CASTOR2: variants seen among roughly 807,000 people sequenced by gnomAD.
CASTOR2 encodes the protein GATS protein like 2.
Under a neutral mutation model 31.2 loss-of-function variants are expected in CASTOR2, and 8 were observed. The ratio of observed to expected loss-of-function variants is 0.26; its 90% CI spans 0.15 to 0.46. The LOEUF (loss-of-function observed/expected upper bound fraction) is 0.46. Ranked by LOEUF, CASTOR2 falls within the 20% of genes least tolerant of loss-of-function variation. The pLI is 0.99. For synonymous variants in CASTOR2, 162 were observed against 158.7 expected (o/e 1.02, Z -0.16); for missense variants, 216 against 382.1 (o/e 0.57, Z 3.62).
intron 1 of CASTOR2, among the ~76,000 whole-genome samples, chr7:74,989,807 A>G (rs75058116): frequency 0.092 from 14,064 of 152,096 alleles, 2,185 homozygotes; most frequent in African/African-American, 0.32. Context: ...AGCACAAAAC[A>G]GACACAGTGA....
At chr7:75,004,467 C>CT (rs1180445358) in intron 1 of CASTOR2, among the ~76,000 whole-genome samples, 19 of 144,476 alleles carry the variant, frequency 1.3e-4, no homozygotes, top group East Asian at 8.2e-4. Context: ...TTTTTTTTTT[C>CT]CCCCCGAGAT....
intron 1 of CASTOR2, among the ~76,000 whole-genome samples, chr7:74,992,154 T>G (rs1554437403): frequency 6.6e-6 from 1 of 151,970 alleles, no homozygotes; most frequent in Non-Finnish European, 1.5e-5. Flanking sequence ...CTCAGGGGGA[T>G]GGGTCACTGC....
At chr7:74,999,381 C>T (rs1804437650) in intron 1 of CASTOR2, among the ~76,000 whole-genome samples, 1 of 151,864 alleles carries the variant, frequency 6.6e-6, no homozygotes, top group Admixed American at 6.6e-5. Flanking sequence ...AATTAAGGGC[C>T]TTTTTCTAAG....
intron 1 of CASTOR2, among the ~76,000 whole-genome samples, chr7:74,986,129 C>T (rs1804058694): frequency 6.6e-6 from 1 of 152,022 alleles, no homozygotes; most frequent in Non-Finnish European, 1.5e-5. Context: ...GGGGTTTCGC[C>T]ACGTTGGCCA....
chr7:75,030,274 C>T lies in CASTOR2; in HGVS notation c.*5575C>T, dbSNP rs903700273. On this transcript the variant is annotated 3_prime_UTR_variant, in exon 9 of 9. Transcript: ENST00000616305. The stretch of plus-strand genomic sequence containing the variant: ...CTATGCATTAGAGTGTGTGCGTGCA[C>T]GTGTGCAGAGCCCACACCTGAGATA... Among the ~76,000 whole-genome samples the T allele has an allele frequency of 6.6e-5, 10 of 152,308 alleles. No homozygotes were observed. The highest frequency in any genetic ancestry group is 1.0e-4 in the Non-Finnish European group (7 of 68,028).
At chr7:74,981,797 T>C (rs1447796921) in intron 1 of CASTOR2, among the ~76,000 whole-genome samples, 2 of 146,728 alleles carry the variant, frequency 1.4e-5, no homozygotes, top group Non-Finnish European at 3.0e-5. Flanking sequence ...CCCGGTGCGG[T>C]GGCTCACGCC....
In CASTOR2 at chr7:75,024,350, G is replaced by C. The variant is rs1805074062; in HGVS notation, c.830-90G>C. 4.0e-6 allele frequency: 5 copies of C among 1,249,846 alleles called. No individual in the cohort carries two copies. The Admixed American group carries it at 5.9e-5, about 15-fold the overall frequency. 77.4% of individuals were successfully genotyped at this position (1,249,846 alleles called of 1,614,324 possible). A position where few individuals can be genotyped will look rare whatever the true frequency, so the allele number is the denominator to read the frequency against. ...TAGGAGGATGGTGGGTGCAGGGTAGGCATTGCCCACAGAGGGTAGAGGCTG... is the reference window on the plus strand; with the variant it reads ...TAGGAGGATGGTGGGTGCAGGGTAGCCATTGCCCACAGAGGGTAGAGGCTG... On this transcript the variant is annotated intron_variant, in intron 7 of 8. Transcript: ENST00000616305.
intron 1 of CASTOR2, among the ~76,000 whole-genome samples, chr7:75,006,794 A>G (rs1349587571): frequency 6.6e-6 from 1 of 152,032 alleles, no homozygotes; most frequent in African/African-American, 2.4e-5. Context: ...GTTGCCATGT[A>G]AGACATGCCT....
intron 2 of CASTOR2, among the ~76,000 whole-genome samples, chr7:75,012,199 C>T (rs1304402709): frequency 6.6e-6 from 1 of 152,096 alleles, no homozygotes; most frequent in Non-Finnish European, 1.5e-5. Context: ...TCTCAGGGGG[C>T]TGTGGCAGGA....
intron 1 of CASTOR2, among the ~76,000 whole-genome samples, chr7:74,994,084 G>A (rs1411488859): frequency 6.6e-6 from 1 of 152,198 alleles, no homozygotes; most frequent in African/African-American, 2.4e-5. Context: ...AGTTACCCGT[G>A]TCAGCCGGGC....
At chr7:74,979,341 C>T (rs1316929471) in intron 1 of CASTOR2, among the ~76,000 whole-genome samples, 1 of 148,108 alleles carries the variant, frequency 6.8e-6, no homozygotes, top group African/African-American at 2.5e-5. Flanking sequence ...TAACCTTCCT[C>T]CCCTTCCCAA....
At chr7:74,991,489 C>G (rs1208746764) in intron 1 of CASTOR2, among the ~76,000 whole-genome samples, 1 of 150,706 alleles carries the variant, frequency 6.6e-6, no homozygotes, top group African/African-American at 2.4e-5. Context: ...CAGAGTCAAT[C>G]AGCAAATACT....
intron 1 of CASTOR2, among the ~76,000 whole-genome samples, chr7:74,976,542 TCCTCCTCC>T (rs1803813735): frequency 7.2e-6 from 1 of 139,096 alleles, no homozygotes; most frequent in African/African-American, 2.7e-5. Flanking sequence ...CTCCTCCTCC[TCCTCCTCC>T]TCCTCCTCCT....
intron 1 of CASTOR2, among the ~76,000 whole-genome samples, chr7:74,988,390 C>T (rs1554436958): frequency 2.6e-5 from 4 of 152,058 alleles, no homozygotes; most frequent in Admixed American, 1.3e-4. Context: ...CTCCGCCTCC[C>T]GGGTTCACGC....
chr7:75,018,264 G>A, intron 4 of CASTOR2, 142 bp downstream of exon 4: 2 of 1,468,406 alleles, frequency 1.4e-6, no homozygotes, highest in Non-Finnish European at 9.2e-7. Flanking sequence ...AAAGGGCCCA[G>A]TGTGGTGGCT....
intron 1 of CASTOR2, among the ~76,000 whole-genome samples, chr7:75,005,075 C>A (rs1483317982): frequency 6.6e-6 from 1 of 151,976 alleles, no homozygotes; most frequent in East Asian, 1.9e-4. Flanking sequence ...CCATGTTGGC[C>A]AGGCTGGTCT....
intron 1 of CASTOR2, among the ~76,000 whole-genome samples, chr7:75,004,451 G>A (rs1374739044): frequency 2.0e-5 from 1 of 50,762 alleles, no homozygotes; most frequent in Non-Finnish European, 3.7e-5. Context: ...CCTAGCACAG[G>A]CTTTTTTTTT....
At chr7:75,019,570 G>A (rs956686305) in intron 5 of CASTOR2, among the ~76,000 whole-genome samples, 17 of 152,204 alleles carry the variant, frequency 1.1e-4, no homozygotes, top group African/African-American at 2.2e-4. Context: ...ATTTGGTGAC[G>A]CCCCAAAGAC....
At chr7:75,022,912 A>G (rs990092133) in intron 7 of CASTOR2, among the ~76,000 whole-genome samples, 1 of 152,216 alleles carries the variant, frequency 6.6e-6, no homozygotes, top group Admixed American at 6.5e-5. Context: ...ACTGCTGGCA[A>G]TTTTTTAACA....
Sources: gnomAD v4.1 joint callset for allele counts (sites outside exome capture counted in the v4.1 genomes callset) on GRCh38, gnomAD v4.1.1 for gene constraint, MANE v1.5 for transcripts, NCBI Gene and HGNC (gene_info 2026-07-23, HGNC 2026-07-21) for gene names.